ZNF804B: variants seen among roughly 807,000 people sequenced by gnomAD.
ZNF804B encodes the protein zinc finger protein 804B.
A neutral mutation model predicts 101.4 loss-of-function variants in ZNF804B; 80 were observed. The observed-to-expected ratio is 0.79, with a 90% CI of 0.66 to 0.95. The LOEUF (loss-of-function observed/expected upper bound fraction) is 0.95. ZNF804B is among the 40% of genes least tolerant of loss of function. The probability of loss-of-function intolerance (pLI) is 0.00; values close to 1 mark genes in which losing one functional copy is unlikely to be tolerated. For synonymous variants in ZNF804B, 622 were observed against 558.8 expected (o/e 1.11, Z -1.59); for missense variants, 1,673 against 1,561.9 (o/e 1.07, Z -1.20).
At chr7:88,958,569 C>G (rs143660896) in intron 1 of ZNF804B, among the ~76,000 whole-genome samples, 137 of 151,568 alleles carry the variant, frequency 9.0e-4, no homozygotes, top group African/African-American at 3.1e-3. Flanking sequence ...TCACTATGAA[C>G]TATGTATAGT....
chr7:88,967,006 C>G (rs1793464647), intron 1 of ZNF804B, among the ~76,000 whole-genome samples: 1 of 151,074 alleles, frequency 6.6e-6, no homozygotes, highest in Non-Finnish European at 1.5e-5. Flanking sequence ...CCACTGTGAC[C>G]CCCAAACTCT....
intron 1 of ZNF804B, among the ~76,000 whole-genome samples, chr7:89,055,890 G>T (rs902655178): frequency 2.6e-5 from 4 of 152,078 alleles, no homozygotes; most frequent in Non-Finnish European, 5.9e-5. Flanking sequence ...ATAGATGAAA[G>T]CTCTGTCTGG....
intron 1 of ZNF804B, among the ~76,000 whole-genome samples, chr7:88,914,794 A>G (rs766837027): frequency 1.3e-5 from 2 of 152,188 alleles, no homozygotes; most frequent in Non-Finnish European, 2.9e-5. Flanking sequence ...TAGAAAGGAT[A>G]TTTATTATTT....
At chr7:88,977,451 A>G (rs1032011303) in intron 1 of ZNF804B, among the ~76,000 whole-genome samples, 11 of 151,452 alleles carry the variant, frequency 7.3e-5, no homozygotes, top group Non-Finnish European at 1.6e-4. Flanking sequence ...CAAGTTTTGA[A>G]TTTCTTCATG....
intron 1 of ZNF804B, among the ~76,000 whole-genome samples, chr7:88,975,352 C>G (rs188192767): frequency 2.0e-5 from 3 of 151,458 alleles, no homozygotes; most frequent in Non-Finnish European, 4.4e-5. Flanking sequence ...GAGGAACCTT[C>G]ATTCCATTCT....
Position 89,333,979 on chromosome 7 carries a change from G to A in ZNF804B, c.997G>A (p.Asp333Asn). The A allele has an allele frequency of 2.5e-6, 4 of 1,613,434 alleles. No individual in the cohort carries two copies. Among genetic ancestry groups the A allele is most frequent in the Non-Finnish European group, 3.4e-6 (4 of 1,179,712 alleles). The change falls in exon 4 of 4, where the codon GAT (aspartate) becomes AAT (asparagine). Residue 333 changes from aspartate (D) to asparagine (N), a missense_variant. Asp to Asn is a conservative substitution (Grantham distance 23, BLOSUM62 1). Transcript: ENST00000333190. ...SFSKSNIHLS[D>N]VDFTPTSREK... ...CTCTAAATCTAACATTCATCTTTCA[G>A]ATGTAGATTTTACTCCTACCAGCAG...
intron 1 of ZNF804B, among the ~76,000 whole-genome samples, chr7:88,876,631 T>C (rs1190431522): frequency 6.6e-6 from 1 of 152,160 alleles, no homozygotes; most frequent in African/African-American, 2.4e-5. Context: ...TTGTTGCATT[T>C]AGAATAATTC....
Position 88,915,507 on chromosome 7 carries a change from A to G in ZNF804B, c.108+155423A>G, listed in dbSNP as rs373933981. On this transcript the variant is annotated intron_variant, in intron 1 of 3. Coordinates refer to ENST00000333190, the MANE Select transcript of ZNF804B (RefSeq NM_181646.5). The stretch of plus-strand genomic sequence containing the variant: ...TTGAAATGGCCTTATACTTTTATAA[A>G]TAGATGAAAATTAATGGAAAAAAAT... 1.6e-4 allele frequency among the ~76,000 whole-genome samples: 24 copies of G among 152,130 alleles called. No homozygotes were observed. The South Asian group carries it at 2.5e-3, about 16-fold the overall frequency.
chr7:88,848,633 T>A (rs1791409430), intron 1 of ZNF804B, among the ~76,000 whole-genome samples: 1 of 151,656 alleles, frequency 6.6e-6, no homozygotes, highest in South Asian at 2.1e-4. Flanking sequence ...TTTTTTTTTT[T>A]TTTTTTAAAA....
intron 1 of ZNF804B, among the ~76,000 whole-genome samples, chr7:88,959,611 C>T (rs370384919): frequency 1.1e-4 from 17 of 151,360 alleles, no homozygotes; most frequent in Non-Finnish European, 2.2e-4. Context: ...GCCAATTTGT[C>T]CATCCCCACA....
chr7:89,156,415 G>C (rs919598701), intron 1 of ZNF804B, among the ~76,000 whole-genome samples: 1 of 151,956 alleles, frequency 6.6e-6, no homozygotes, highest in African/African-American at 2.4e-5. Context: ...GCACCTGGCC[G>C]ACCACCTCTT....
At chr7:89,088,907 C>T (rs1004298091) in intron 1 of ZNF804B, among the ~76,000 whole-genome samples, 3 of 151,966 alleles carry the variant, frequency 2.0e-5, no homozygotes, top group African/African-American at 7.3e-5. Flanking sequence ...GAACAGTCGT[C>T]CTGCTACAGA....
At chr7:88,994,882 TAG>T (rs1793898477) in intron 1 of ZNF804B, among the ~76,000 whole-genome samples, 2 of 152,054 alleles carry the variant, frequency 1.3e-5, no homozygotes, top group Non-Finnish European at 2.9e-5. Flanking sequence ...TCATTTTGCA[TAG>T]AGAGGAAATC....
intron 1 of ZNF804B, among the ~76,000 whole-genome samples, chr7:88,901,112 A>T (rs1386806002): frequency 6.6e-6 from 1 of 151,794 alleles, no homozygotes; most frequent in Non-Finnish European, 1.5e-5. Flanking sequence ...GTGAAAATTG[A>T]CTTTTTTATT....
At position 89,337,568 on chromosome 7, in the gene ZNF804B, T is replaced by C. The variant is rs1791121033; in HGVS notation, c.*536T>C. 1.3e-5 allele frequency among the ~76,000 whole-genome samples: 2 copies of C among 152,266 alleles called. No homozygotes were observed. Among genetic ancestry groups the C allele is most frequent in the Non-Finnish European group, 2.9e-5 (2 of 67,984 alleles). ...CATAGGAAATAAGAACAAGACATTT[T>C]CTGATTAATTTAGGTTGAAAATTAC... On this transcript the variant is annotated 3_prime_UTR_variant, in exon 4 of 4. Transcript: ENST00000333190.
intron 2 of ZNF804B, among the ~76,000 whole-genome samples, chr7:89,261,249 T>A (rs1159297079): frequency 6.6e-6 from 1 of 152,168 alleles, no homozygotes; most frequent in Non-Finnish European, 1.5e-5. Context: ...TGTATAAGTT[T>A]TGATAAATTT....
intron 1 of ZNF804B, among the ~76,000 whole-genome samples, chr7:88,835,586 C>T (rs1583966355): frequency 6.6e-6 from 1 of 151,672 alleles, no homozygotes. Flanking sequence ...CTGTAAAAAG[C>T]CATGAGTTCA....
At chr7:88,792,322 G>A (rs1790393888) in intron 1 of ZNF804B, among the ~76,000 whole-genome samples, 1 of 151,940 alleles carries the variant, frequency 6.6e-6, no homozygotes, top group African/African-American at 2.4e-5. Context: ...AATACAATAT[G>A]CCATATTTTC....
At chr7:89,268,000 ATC>A (rs1468981282) in intron 2 of ZNF804B, among the ~76,000 whole-genome samples, 5 of 151,968 alleles carry the variant, frequency 3.3e-5, no homozygotes, top group African/African-American at 4.8e-5. Context: ...TCTGGAAATA[ATC>A]TCTCTTTGGT....
Sources: allele counts gnomAD v4.1 joint callset (sites outside exome capture counted in the v4.1 genomes callset), GRCh38; gene constraint gnomAD v4.1.1; transcripts MANE v1.5; gene names NCBI Gene and HGNC (gene_info 2026-07-23, HGNC 2026-07-21).